The following PARD3B variants were observed in gnomAD, a reference collection of about 807,000 sequenced individuals.
PARD3B encodes the protein partitioning defective 3 homolog B.
In PARD3B, 103 loss-of-function variants were observed where a neutral mutation model predicts 130.2. The ratio of observed to expected loss-of-function variants is 0.79; its 90% CI spans 0.67 to 0.93. PARD3B has a LOEUF of 0.93. PARD3B is among the 40% of genes least tolerant of loss of function. The pLI, the probability that PARD3B is intolerant of heterozygous loss-of-function variation, is 0.00. For missense variants in PARD3B, 1,609 were observed against 1,499.2 expected, an observed-to-expected ratio of 1.07 and a Z score of -1.21; for synonymous variants, 583 against 553.2, an observed-to-expected ratio of 1.05 and a Z score of -0.76.
At chr2:205,505,435 G>A (rs1559156866) in intron 21 of PARD3B, among the ~76,000 whole-genome samples, 1 of 151,944 alleles carries the variant, frequency 6.6e-6, no homozygotes, top group Non-Finnish European at 1.5e-5. Flanking sequence ...ACACTGTAAG[G>A]TTTGTAAATA....
intron 3 of PARD3B, among the ~76,000 whole-genome samples, chr2:205,013,728 G>A (rs1695906155): frequency 6.6e-6 from 1 of 152,178 alleles, no homozygotes; most frequent in Admixed American, 6.5e-5. Flanking sequence ...AGCAGCATCT[G>A]CAGGTCTGTG....
At chr2:205,486,407 G>T (rs2049443886) in intron 20 of PARD3B, among the ~76,000 whole-genome samples, 1 of 152,180 alleles carries the variant, frequency 6.6e-6, no homozygotes, top group African/African-American at 2.4e-5. Context: ...CCCTTTGGGA[G>T]CTAAGTAGAT....
intron 21 of PARD3B, among the ~76,000 whole-genome samples, chr2:205,528,446 G>C (rs2051432102): frequency 6.6e-6 from 1 of 151,956 alleles, no homozygotes; most frequent in Non-Finnish European, 1.5e-5. Flanking sequence ...TGAGACCTGT[G>C]CTGTATTCTC....
At chr2:204,976,107 G>T (rs775456950) in intron 3 of PARD3B, among the ~76,000 whole-genome samples, 1 of 152,136 alleles carries the variant, frequency 6.6e-6, no homozygotes, top group Non-Finnish European at 1.5e-5. Context: ...TTCGTCTCTT[G>T]TTAAAATTAG....
intron 2 of PARD3B, among the ~76,000 whole-genome samples, chr2:204,842,961 G>A (rs1283153148): frequency 2.0e-5 from 3 of 152,054 alleles, no homozygotes; most frequent in African/African-American, 4.8e-5. Flanking sequence ...CTTCAGATTC[G>A]CAAGATCTGC....
chr2:204,986,784 A>C (rs1044307351), intron 3 of PARD3B, among the ~76,000 whole-genome samples: 4 of 152,198 alleles, frequency 2.6e-5, no homozygotes, highest in Non-Finnish European at 5.9e-5. Context: ...GATGGACAGC[A>C]TTCTTCCATC....
chr2:204,945,754 T>C (rs909415598), intron 2 of PARD3B, among the ~76,000 whole-genome samples: 2 of 152,200 alleles, frequency 1.3e-5, no homozygotes, highest in African/African-American at 2.4e-5. Flanking sequence ...GTACAAATAT[T>C]GGGAAAAATA....
In PARD3B at chr2:205,463,607, A is replaced by C. The variant is rs187624214; in HGVS notation, c.3044+22935A>C. Among the ~76,000 whole-genome samples the C allele has an allele frequency of 1.2e-3, 183 of 152,344 alleles. No homozygotes were observed. The highest frequency in any genetic ancestry group is 4.1e-3 in the African/African-American group (171 of 41,574). On this transcript the variant is annotated intron_variant, in intron 20 of 22. Transcript: ENST00000406610. The surrounding 1 kb of genome is among the most constrained non-coding windows in gnomAD (Gnocchi z 4.8). ...ATTTGTGAACCAACTGATAATGTGC[A>C]AAATTAAGATTTCGTAAGTGGCATT...
At chr2:205,569,694 A>G (rs1258262219) in intron 22 of PARD3B, among the ~76,000 whole-genome samples, 1 of 152,170 alleles carries the variant, frequency 6.6e-6, no homozygotes, top group African/African-American at 2.4e-5. Context: ...TCTCACTGAT[A>G]TTATGCCCTA....
Position 205,301,501 on chromosome 2 carries a change from A to G in PARD3B, c.2430A>G (p.Gly810=), listed in dbSNP as rs1427488937. Reference sequence around the variant, plus strand: ...ATAAGAGCTCTCACTCTGGCCAAGGAGCTCTGAATTGTGAGTCTGCCCCTC... The same window carrying G: ...ATAAGAGCTCTCACTCTGGCCAAGGGGCTCTGAATTGTGAGTCTGCCCCTC... The part of the protein sequence containing the change: ...LSDKSSHSGQ[G]ALNCESAPQG... Residue 810 remains glycine, a synonymous_variant, in exon 18 of 23, where the codon GGA becomes GGG. Coordinates refer to ENST00000406610, the MANE Select transcript of PARD3B (RefSeq NM_001302769.2). The surrounding 1 kb of genome is among the most constrained non-coding windows in gnomAD (Gnocchi z 5.2). 2 of 1,613,568 alleles carry G rather than the reference A, an allele frequency of 1.2e-6. No homozygotes were observed. The highest frequency in any genetic ancestry group is 1.7e-6 in the Non-Finnish European group (2 of 1,179,944).
At chr2:205,448,799 C>T (rs2047995899) in intron 20 of PARD3B, among the ~76,000 whole-genome samples, 1 of 151,544 alleles carries the variant, frequency 6.6e-6, no homozygotes, top group South Asian at 2.1e-4. Context: ...TTCATCTGAA[C>T]TTATCTTAGT....
chr2:204,588,279 C>G (rs59970517), intron 1 of PARD3B, among the ~76,000 whole-genome samples: 3,446 of 152,166 alleles, frequency 0.023, 123 homozygotes, highest in African/African-American at 0.077. Flanking sequence ...TTATAGGAAC[C>G]TATTTATTGT....
chr2:205,070,943 CTT>C (rs922262873), intron 4 of PARD3B, among the ~76,000 whole-genome samples: 1 of 151,930 alleles, frequency 6.6e-6, no homozygotes, highest in African/African-American at 2.4e-5. Flanking sequence ...CTTTCCACAG[CTT>C]TCTATAACTG....
At position 205,244,689 on chromosome 2, in the gene PARD3B, A is replaced by T. The variant is rs1205993320; in HGVS notation, c.2141-1089A>T. ...CTTATAAACACATTTTTTTTTTCAA[A>T]AAACTACTATAGGGCGACCCATGTT... On this transcript the variant is annotated intron_variant, in intron 15 of 22. Transcript: ENST00000406610. This position sits in a 1 kb window ranked among gnomAD's most constrained non-coding sequence, Gnocchi z 4.7. 6.6e-6 allele frequency among the ~76,000 whole-genome samples: 1 copy of T among 151,876 alleles called. No individual in the cohort carries two copies. Among genetic ancestry groups the T allele is most frequent in the African/African-American group, 2.4e-5 (1 of 41,378 alleles).
rs540345830 is a variant in PARD3B at position 204,907,141 on chromosome 2, C to T, written c.223-58011C>T. 2.6e-4 allele frequency among the ~76,000 whole-genome samples: 39 copies of T among 152,210 alleles called. No homozygotes were observed. The East Asian group carries it at 5.0e-3, about 20-fold the overall frequency. On this transcript the variant is annotated intron_variant, in intron 2 of 22. Coordinates refer to ENST00000406610, the MANE Select transcript of PARD3B (RefSeq NM_001302769.2). The surrounding 1 kb of genome is among the most constrained non-coding windows in gnomAD (Gnocchi z 5.7). ...GATTACAGGTGCCCACCACCACACC[C>T]GGCTCTTTTTTCATATTTTTAGTAA... is the stretch of plus-strand genomic sequence containing the variant.
At chr2:205,034,374 G>A (rs543422128) in intron 3 of PARD3B, among the ~76,000 whole-genome samples, 45 of 152,196 alleles carry the variant, frequency 3.0e-4, no homozygotes, top group Middle Eastern at 3.4e-3. Context: ...GTTTTATCCC[G>A]ATTTTAAATG....
intron 3 of PARD3B, among the ~76,000 whole-genome samples, chr2:205,036,459 A>G (rs1238378699): frequency 6.8e-6 from 1 of 147,992 alleles, no homozygotes; most frequent in East Asian, 1.9e-4. Context: ...ATATAAAAAT[A>G]TATGTATATA....
intron 2 of PARD3B, among the ~76,000 whole-genome samples, chr2:204,782,479 A>G (rs535092220): frequency 1.3e-4 from 20 of 150,714 alleles, no homozygotes; most frequent in African/African-American, 4.6e-4. Context: ...CATTACATAT[A>G]TTATGTAATA....
intron 18 of PARD3B, among the ~76,000 whole-genome samples, chr2:205,389,432 G>A (rs923842998): frequency 3.9e-5 from 6 of 152,000 alleles, no homozygotes; most frequent in South Asian, 4.2e-4. Context: ...ACGCTATGTC[G>A]GTTCACTGCA....
Sources: allele counts gnomAD v4.1 joint callset (sites outside exome capture counted in the v4.1 genomes callset), GRCh38; gene constraint gnomAD v4.1.1; non-coding constraint Gnocchi (gnomAD v3.1); transcripts MANE v1.5; gene names NCBI Gene and HGNC (gene_info 2026-07-23, HGNC 2026-07-21).